SPTB: variants seen among roughly 807,000 people sequenced by gnomAD.
SPTB encodes the protein spectrin beta, erythrocytic.
Under a neutral mutation model 256.2 loss-of-function variants are expected in SPTB, and 45 were observed. The ratio of observed to expected loss-of-function variants is 0.18; its 90% confidence interval spans 0.14 to 0.23. SPTB has a LOEUF of 0.23. Ranked by LOEUF, SPTB falls within the 10% of genes least tolerant of loss-of-function variation. SPTB has a pLI of 1.00. For synonymous variants in SPTB, 1,231 were observed against 1,243.1 expected (o/e 0.99, Z 0.21); for missense variants, 2,715 against 3,040.4 (o/e 0.89, Z 2.52).
intron 33 of SPTB, 170 bp from the exon 34 acceptor site, chr14:64,750,324 T>C: frequency 1.3e-6 from 1 of 764,890 alleles, no homozygotes; most frequent in South Asian, 2.3e-5. Flanking sequence ...AAAAATTAGC[T>C]ATTATTAACA....
At chr14:64,756,467 G>T (rs1189052070) in intron 32 of SPTB, 1 of 152,296 alleles carries the variant, frequency 6.6e-6, no homozygotes, top group East Asian at 1.9e-4. Flanking sequence ...TACTTGGGAG[G>T]CTGAGGCAGG....
chr14:64,778,699 C>T lies in SPTB; in HGVS notation c.4563+458G>A, dbSNP rs2269306. On this transcript the variant is annotated intron_variant, in intron 22 of 35. Coordinates refer to ENST00000644917, the MANE Select transcript of SPTB (RefSeq NM_001355436.2). The surrounding 1 kb of genome is among the most constrained non-coding windows in gnomAD (Gnocchi z 5.2). ...GAGCCCCACAAGTATCCTCATATGT[C>T]GAGAGAAATGGGGCCTACTTACCCC... Among the ~76,000 whole-genome samples the T allele has an allele frequency of 0.06, 9,070 of 152,206 alleles. 330 individuals are homozygous for T. The highest frequency in any genetic ancestry group is 0.09 in the Non-Finnish European group (6,123 of 68,004).
intron 1 of SPTB, among the ~76,000 whole-genome samples, chr14:64,834,511 TGCCTCCCAG>T: frequency 2.0e-5 from 3 of 151,994 alleles, no homozygotes. Flanking sequence ...CTGCAATCCC[TGCCTCCCAG>T]GCTAAAACAG....
chr14:64,769,539 C>T (rs116026609), intron 28 of SPTB, 51 bp downstream of exon 28: 12 of 1,609,608 alleles, frequency 7.5e-6, no homozygotes, highest in South Asian at 1.1e-5. Flanking sequence ...CTGGCTGGCA[C>T]AGTGGGGACG....
intron 15 of SPTB, among the ~76,000 whole-genome samples, chr14:64,789,177 C>T (rs1054652721): frequency 2.0e-5 from 3 of 151,952 alleles, no homozygotes; most frequent in African/African-American, 7.3e-5. Flanking sequence ...ATAGTGAGAC[C>T]TCATCTCTAC....
At chr14:64,801,241 C>G (rs375017341) in intron 7 of SPTB, 44 bp downstream of exon 7, 2 of 1,516,696 alleles carry the variant, frequency 1.3e-6, no homozygotes, top group Non-Finnish European at 1.8e-6. Context: ...CGAGTGCATC[C>G]CCCACTGCTG....
rs1300227594 is a variant in SPTB at position 64,785,855 on chromosome 14, T to G, written c.3658A>C (p.Asn1220His). The part of the protein sequence containing the change: ...FEDFLGSMEN[N>H]RDKVLSPVDS... ...ACAGGACTCAAGACCTTATCCCGGT[T>G]GTTCTCCATAGACCCCAAGAAATCC... Residue 1220 changes from asparagine to histidine, a missense_variant, in exon 17 of 36, where the codon AAC becomes CAC. Around this residue, in one of 4 missense-constraint regions of SPTB, gnomAD observed 2,239 missense variants for 2,384.4 expected, o/e 0.94. Transcript: ENST00000644917. The surrounding 1 kb of genome is among the most constrained non-coding windows in gnomAD (Gnocchi z 4.4). The G allele has an allele frequency of 6.2e-7, 1 of 1,614,118 alleles. No homozygotes were observed. The highest frequency in any genetic ancestry group is 1.1e-5 in the South Asian group (1 of 91,084).
chr14:64,793,603 C>T lies in SPTB; in HGVS notation c.2060G>A (p.Arg687His), dbSNP rs3742602. Residue 687 changes from arginine to histidine, a missense_variant, in exon 14 of 36, where the codon CGT becomes CAT. Physicochemically the swap from Arg to His is conservative, Grantham distance 29 (BLOSUM62 0). Coordinates refer to ENST00000644917, the MANE Select transcript of SPTB (RefSeq NM_001355436.2). This position sits in a 1 kb window ranked among gnomAD's most constrained non-coding sequence, Gnocchi z 7.0. ...RKHKAFEDEL[R>H]GLDAHLEQIF... ...CTGCTCCAGGTGAGCATCCAGCCCA[C>T]GGAGCTCATCCTCAAAGGCCTTGTG... 9.4e-4 allele frequency: 1,513 copies of T among 1,614,186 alleles called. 9 individuals are homozygous for T. In the East Asian group the frequency reaches 0.016, roughly 17 times the overall value.
intron 2 of SPTB, among the ~76,000 whole-genome samples, chr14:64,805,610 T>G: frequency 6.6e-6 from 1 of 152,148 alleles, no homozygotes. Flanking sequence ...TCCTAGATGC[T>G]CCCTGAGCCC....
chr14:64,851,588 C>T (rs2083787691), intron 1 of SPTB, among the ~76,000 whole-genome samples: 1 of 152,110 alleles, frequency 6.6e-6, no homozygotes, highest in Admixed American at 6.6e-5. Context: ...ATGTTGTGTG[C>T]CAGGCCCTTT....
chr14:64,769,264 GC>G lies in SPTB; in HGVS notation c.5938-147del, dbSNP rs2082241374. 4.7e-6 allele frequency: 4 copies of G among 848,064 alleles called. No individual in the cohort carries two copies. In the African/African-American group the frequency reaches 6.6e-5, roughly 14 times the overall value. 52.5% of individuals were successfully genotyped at this position (848,064 alleles called of 1,614,324 possible). On this transcript the variant is annotated intron_variant, in intron 28 of 35. Transcript: ENST00000644917. ...GGCCCAGCTGCTTGCCAGCTGTGTG[GC>G]CTGGGGCAAGTTATTTAACCTCTCT...
chr14:64,805,185 C>A, intron 2 of SPTB, 95 bp from the exon 3 acceptor site: 1 of 1,414,144 alleles, frequency 7.1e-7, no homozygotes, highest in South Asian at 1.2e-5. Context: ...CAGGGTACCC[C>A]CATGCTTGGC....
At chr14:64,773,127 G>A (rs548212826) in intron 25 of SPTB, 93 bp downstream of exon 25, 17 of 1,569,154 alleles carry the variant, frequency 1.1e-5, no homozygotes, top group East Asian at 4.6e-5. Context: ...GGGAGGTTAC[G>A]TCCTATGCAG....
In SPTB at chr14:64,775,892, A is replaced by G. The variant is rs1741491; in HGVS notation, c.4564-489T>C. ...CAGGTGGGCACAGTTTTTGCCTTCC[A>G]TCTAAAAGAACAGGTGACAGCAGCC... On this transcript the variant is annotated intron_variant, in intron 22 of 35. Transcript: ENST00000644917. This position sits in a 1 kb window ranked among gnomAD's most constrained non-coding sequence, Gnocchi z 5.0. Among the ~76,000 whole-genome samples, 1,776 of 152,336 alleles carry G rather than the reference A, an allele frequency of 0.012. 25 individuals are homozygous for G. The highest frequency in any genetic ancestry group is 0.041 in the African/African-American group (1,685 of 41,564).
chr14:64,765,696 A>C (rs1378542036), intron 32 of SPTB, among the ~76,000 whole-genome samples: 1 of 152,234 alleles, frequency 6.6e-6, no homozygotes, highest in Non-Finnish European at 1.5e-5. Flanking sequence ...TGGAAAGAGG[A>C]GAGGGCTCTG....
intron 15 of SPTB, among the ~76,000 whole-genome samples, chr14:64,788,852 G>A (rs2139576290): frequency 6.6e-6 from 1 of 152,340 alleles, no homozygotes; most frequent in African/African-American, 2.4e-5. Flanking sequence ...AAGAGTCTAG[G>A]TTTGGTCCTG....
At chr14:64,812,700 C>T (rs747442650) in intron 2 of SPTB, among the ~76,000 whole-genome samples, 5 of 152,088 alleles carry the variant, frequency 3.3e-5, no homozygotes, top group Admixed American at 6.5e-5. Flanking sequence ...CCTGACGTCA[C>T]GGGCATCTGG....
intron 2 of SPTB, among the ~76,000 whole-genome samples, chr14:64,817,139 G>A (rs1315319027): frequency 1.3e-5 from 2 of 152,178 alleles, no homozygotes; most frequent in Non-Finnish European, 2.9e-5. Context: ...GAGTGGTAAG[G>A]GGACAATGGA....
In SPTB at chr14:64,853,917, C is replaced by T. The variant is rs557818732; in HGVS notation, c.-52+25875G>A. 7.2e-5 allele frequency among the ~76,000 whole-genome samples: 11 copies of T among 152,248 alleles called. No homozygotes were observed. The highest frequency in any genetic ancestry group is 2.4e-4 in the African/African-American group (10 of 41,542). ...TTTTAGATACTTATCACTGGCCAGCCGCGGTGGCTCACGCCTGTAATCCCA... is the reference window on the plus strand; with the variant it reads ...TTTTAGATACTTATCACTGGCCAGCTGCGGTGGCTCACGCCTGTAATCCCA... On this transcript the variant is annotated intron_variant, in intron 1 of 35. Transcript: ENST00000644917. The surrounding 1 kb of genome is among the most constrained non-coding windows in gnomAD (Gnocchi z 4.3).
Sources: allele counts gnomAD v4.1 joint callset (sites outside exome capture counted in the v4.1 genomes callset), GRCh38; gene constraint gnomAD v4.1.1; regional missense constraint gnomAD v4.1.1; non-coding constraint Gnocchi (gnomAD v3.1); transcripts MANE v1.5; gene names NCBI Gene and HGNC (gene_info 2026-07-23, HGNC 2026-07-21).